Variants in PRMT8 observed in about 807,000 individuals in gnomAD.
PRMT8 encodes protein arginine N-methyltransferase 8.
Under a neutral mutation model 47.1 loss-of-function variants are expected in PRMT8, and 7 were observed. That is an observed-to-expected ratio of 0.15 (90% confidence interval 0.08 to 0.28). PRMT8 has a LOEUF of 0.28. Ranked by LOEUF, PRMT8 falls within the 10% of genes least tolerant of loss-of-function variation. The pLI is 1.00. For synonymous variants in PRMT8, 188 were observed against 186.5 expected, an observed-to-expected ratio of 1.01 and a Z score of -0.07; for missense variants, 237 against 505.4, an observed-to-expected ratio of 0.47 and a Z score of 5.09.
intron 1 of PRMT8, among the ~76,000 whole-genome samples, chr12:3,411,489 C>G (rs1263601891): frequency 6.6e-6 from 1 of 152,134 alleles, no homozygotes; most frequent in Non-Finnish European, 1.5e-5. Context: ...GAACTTTCAA[C>G]AATACAAAAT....
intron 1 of PRMT8, among the ~76,000 whole-genome samples, chr12:3,458,025 T>C (rs1272068111): frequency 1.3e-5 from 2 of 152,012 alleles, no homozygotes; most frequent in Admixed American, 6.5e-5. Context: ...GTATTTTTAG[T>C]AGAGACGGGG....
chr12:3,456,933 GT>G lies in PRMT8; in HGVS notation c.48+75493del, dbSNP rs1864980173. Among the ~76,000 whole-genome samples the G allele has an allele frequency of 6.6e-6, 1 of 152,184 alleles. No homozygotes were observed. Among genetic ancestry groups the G allele is most frequent in the Non-Finnish European group, 1.5e-5 (1 of 68,036 alleles). ...TTGCTGTGGCTGACGTCCTAGCCGT[GT>G]TAAGGGGGTGGGGGCTCTGGCCTCG... On this transcript the variant is annotated intron_variant, in intron 1 of 9. Transcript: ENST00000452611. The surrounding 1 kb of genome is among the most constrained non-coding windows in gnomAD (Gnocchi z 4.2).
Position 3,592,315 on chromosome 12 carries a change from A to G in PRMT8, c.1064A>G (p.Tyr355Cys). Residue 355 changes from tyrosine (Y) to cysteine (C), a missense_variant, in exon 9 of 10, where the codon TAC becomes TGC. Coordinates refer to ENST00000382622, the MANE Select transcript of PRMT8 (RefSeq NM_019854.5). ...ACTGTCCGGAGGGGGGAGGAAATCTACGGGACCATATCCATGAAGCCAAAT... is the reference window on the plus strand; with the variant it reads ...ACTGTCCGGAGGGGGGAGGAAATCTGCGGGACCATATCCATGAAGCCAAAT... ...YLTVRRGEEI[Y>C]GTISMKPNAK... 6.3e-7 allele frequency: 1 copy of G among 1,599,642 alleles called. No homozygotes were observed. The highest frequency in any genetic ancestry group is 8.5e-7 in the Non-Finnish European group (1 of 1,174,158).
In PRMT8 at chr12:3,429,423, C is replaced by T. The variant is rs566153985; in HGVS notation, c.48+47981C>T. On this transcript the variant is annotated intron_variant, in intron 1 of 9. Transcript: ENST00000452611. Reference sequence around the variant, plus strand: ...TGGGGTGGGCCTACTTTGTGCCTGACCCATGCTTCCTTGAGACAAAACACC... The same window carrying T: ...TGGGGTGGGCCTACTTTGTGCCTGATCCATGCTTCCTTGAGACAAAACACC... 1.6e-4 allele frequency among the ~76,000 whole-genome samples: 24 copies of T among 152,270 alleles called. No homozygotes were observed. The South Asian group carries it at 1.7e-3, about 11-fold the overall frequency.
chr12:3,391,312 G>A (rs1233976380), intron 1 of PRMT8, among the ~76,000 whole-genome samples: 1 of 152,226 alleles, frequency 6.6e-6, no homozygotes, highest in East Asian at 1.9e-4. Flanking sequence ...TGCTTAGGAA[G>A]GTAGATATGA....
At chr12:3,403,142 A>T (rs1354365771) in intron 1 of PRMT8, among the ~76,000 whole-genome samples, 1 of 152,230 alleles carries the variant, frequency 6.6e-6, no homozygotes, top group Non-Finnish European at 1.5e-5. Context: ...GCCTAAAAAA[A>T]AGAATTGAGA....
intron 1 of PRMT8, among the ~76,000 whole-genome samples, chr12:3,449,393 C>G (rs1223139929): frequency 6.6e-6 from 1 of 152,206 alleles, no homozygotes; most frequent in Non-Finnish European, 1.5e-5. Context: ...GCCTCACCAG[C>G]ATCTGTAGTT....
chr12:3,439,199 G>A (rs1864773714), intron 1 of PRMT8, among the ~76,000 whole-genome samples: 1 of 152,174 alleles, frequency 6.6e-6, no homozygotes, highest in African/African-American at 2.4e-5. Flanking sequence ...ATCTAACTCT[G>A]TTCTATATTT....
At chr12:3,585,762 C>G (rs1158550977) in intron 8 of PRMT8, among the ~76,000 whole-genome samples, 2 of 151,352 alleles carry the variant, frequency 1.3e-5, no homozygotes, top group African/African-American at 2.5e-5. Flanking sequence ...CAGCTGCTGC[C>G]CTCCTCACAG....
chr12:3,454,036 G>A (rs1041509675), intron 1 of PRMT8, among the ~76,000 whole-genome samples: 2 of 152,132 alleles, frequency 1.3e-5, no homozygotes, highest in African/African-American at 4.8e-5. Context: ...CAATGCGGGC[G>A]TCAGCCTAGC....
In PRMT8 at chr12:3,583,135, C is replaced by T. The variant is rs377279435; in HGVS notation, c.906C>T (p.Asp302=). ...TCTGCCTGCAGATACAGCGCAACGA[C>T]TACGTCCACGCCCTGGTCACCTATT... ...SAFCLQIQRN[D]YVHALVTYFN... The change falls in exon 8 of 10, where the codon GAC becomes GAT. Residue 302 remains aspartate, a synonymous_variant. Coordinates refer to ENST00000382622, the MANE Select transcript of PRMT8 (RefSeq NM_019854.5). The surrounding 1 kb of genome is among the most constrained non-coding windows in gnomAD (Gnocchi z 4.7). 8.7e-6 allele frequency: 14 copies of T among 1,614,044 alleles called. No homozygotes were observed. In the African/African-American group the frequency reaches 9.3e-5, roughly 11 times the overall value.
Position 3,538,477 on chromosome 12 carries a change from C to T in PRMT8, c.76-2129C>T, listed in dbSNP as rs568387272. On this transcript the variant is annotated intron_variant, in intron 1 of 9. Transcript: ENST00000382622. The surrounding 1 kb of genome is among the most constrained non-coding windows in gnomAD (Gnocchi z 4.6). The stretch of plus-strand genomic sequence containing the variant: ...AGGGATCACAGGCCACTGCCGTTTC[C>T]CACCCACTCCCAGCCTCCGGGGAGT... The T allele has an allele frequency of 1.4e-4, 50 of 367,206 alleles. No homozygotes were observed. Among genetic ancestry groups the T allele is most frequent in the African/African-American group, 1.1e-3 (50 of 47,196 alleles). The allele number at this position is 367,206 out of a possible 1,614,324, so 22.7% of individuals were successfully genotyped here.
chr12:3,546,629 TGCATTGAAA>T (rs1298650176), intron 2 of PRMT8, among the ~76,000 whole-genome samples: 1 of 152,176 alleles, frequency 6.6e-6, no homozygotes, highest in Non-Finnish European at 1.5e-5. Flanking sequence ...TGACATAAAA[TGCATTGAAA>T]GCTAAAATAA....
intron 1 of PRMT8, among the ~76,000 whole-genome samples, chr12:3,498,167 T>C (rs1865537122): frequency 6.6e-6 from 1 of 152,222 alleles, no homozygotes; most frequent in African/African-American, 2.4e-5. Context: ...GTGAATTACA[T>C]ATATCCCCAT....
At chr12:3,448,970 A>G (rs1864888743) in intron 1 of PRMT8, among the ~76,000 whole-genome samples, 1 of 151,994 alleles carries the variant, frequency 6.6e-6, no homozygotes, top group East Asian at 1.9e-4. Flanking sequence ...TCCCACTTAT[A>G]AGTGAGAACA....
chr12:3,552,706 C>T lies in PRMT8; in HGVS notation c.418-945C>T. The T allele has an allele frequency of 2.1e-6, 1 of 468,008 alleles. No homozygotes were observed. The highest frequency in any genetic ancestry group is 1.5e-5 in the South Asian group (1 of 65,078). The allele number at this position is 468,008 out of a possible 1,614,324, so 29.0% of individuals were successfully genotyped here. A position where few individuals can be genotyped will look rare whatever the true frequency, so the allele number is the denominator to read the frequency against. The stretch of plus-strand genomic sequence containing the variant: ...GTGACCCCTTCTGACCCCGTAGGTG[C>T]CCTCACCCTTCCTCAAGGCGTGGCC... On this transcript the variant is annotated intron_variant, in intron 3 of 9. Transcript: ENST00000382622. The surrounding 1 kb of genome is among the most constrained non-coding windows in gnomAD (Gnocchi z 4.5).
intron 8 of PRMT8, among the ~76,000 whole-genome samples, chr12:3,591,321 G>T (rs1867297100): frequency 6.6e-6 from 1 of 151,876 alleles, no homozygotes; most frequent in African/African-American, 2.4e-5. Context: ...ATCTGGTTAG[G>T]AAGATACACC....
chr12:3,558,988 A>ATCTG lies in PRMT8; in HGVS notation c.481+5278_481+5281dup, dbSNP rs1046217651. On this transcript the variant is annotated intron_variant, in intron 4 of 9. Coordinates refer to ENST00000382622, the MANE Select transcript of PRMT8 (RefSeq NM_019854.5). ...TATCTATCTATCTATCTATCTATCTATCTGTCTATCTATCCTGTCTATCTA... is the reference window on the plus strand; with the variant it reads ...TATCTATCTATCTATCTATCTATCTATCTGTCTGTCTATCTATCCTGTCTATCTA... Among the ~76,000 whole-genome samples, 5 of 151,022 alleles carry ATCTG rather than the reference A, an allele frequency of 3.3e-5. No homozygotes were observed. In the East Asian group the frequency reaches 5.8e-4, roughly 18 times the overall value.
chr12:3,463,490 G>A (rs535815235), intron 1 of PRMT8: 1 of 152,330 alleles, frequency 6.6e-6, no homozygotes, highest in Admixed American at 6.5e-5. Context: ...AAAAGCACTG[G>A]ATTTCCATTT....
Sources: allele counts gnomAD v4.1 joint callset (sites outside exome capture counted in the v4.1 genomes callset), GRCh38; gene constraint gnomAD v4.1.1; non-coding constraint Gnocchi (gnomAD v3.1); transcripts MANE v1.5; gene names NCBI Gene and HGNC (gene_info 2026-07-23, HGNC 2026-07-21).